ZC2HC1A: variants seen among roughly 807,000 people sequenced by gnomAD.
ZC2HC1A encodes zinc finger C2HC domain-containing protein 1A.
A neutral mutation model predicts 40.7 loss-of-function variants in ZC2HC1A; 28 were observed. That is an observed-to-expected ratio of 0.69 (90% CI 0.51 to 0.94). The LOEUF (loss-of-function observed/expected upper bound fraction) is 0.94, where lower values mean the gene tolerates loss of function less well. ZC2HC1A is among the 40% of genes least tolerant of loss of function. The pLI is 0.00. For missense variants in ZC2HC1A, 389 were observed against 386.3 expected (o/e 1.01, Z -0.06); for synonymous variants, 129 against 129.2 (o/e 1.00, Z 0.01).
At chr8:78,692,390 C>T (rs1019069460) in intron 5 of ZC2HC1A, among the ~76,000 whole-genome samples, 2 of 152,156 alleles carry the variant, frequency 1.3e-5, no homozygotes, top group Non-Finnish European at 2.9e-5. Flanking sequence ...ACTAAATCTG[C>T]CACCTGTGGT....
At chr8:78,703,981 G>A (rs1444747664) in intron 7 of ZC2HC1A, among the ~76,000 whole-genome samples, 2 of 152,144 alleles carry the variant, frequency 1.3e-5, no homozygotes, top group African/African-American at 2.4e-5. Context: ...AGGTCTGGTG[G>A]TAACAAATTC....
At chr8:78,666,322 C>A (rs1054195559) in intron 1 of ZC2HC1A, among the ~76,000 whole-genome samples, 158 bp downstream of exon 1, 36 of 152,240 alleles carry the variant, frequency 2.4e-4, no homozygotes, top group African/African-American at 8.0e-4. Flanking sequence ...GGGAACCGGA[C>A]AGTCCCCGAT....
chr8:78,698,522 A>G lies in ZC2HC1A; in HGVS notation c.704+9A>G, dbSNP rs1223540063. ...GCAGCCCCTCATGCAGGGTAAGTCTACACTGGATATAATTATTAGTGGTAT... is the reference window on the plus strand; with the variant it reads ...GCAGCCCCTCATGCAGGGTAAGTCTGCACTGGATATAATTATTAGTGGTAT... On this transcript the variant is annotated intron_variant, in intron 7 of 8. Transcript: ENST00000263849. The G allele has an allele frequency of 6.4e-7, 1 of 1,563,224 alleles. No individual in the cohort carries two copies. Among genetic ancestry groups the G allele is most frequent in the Non-Finnish European group, 8.7e-7 (1 of 1,145,592 alleles).
intron 7 of ZC2HC1A, among the ~76,000 whole-genome samples, chr8:78,709,085 C>T (rs188398746): frequency 1.1e-3 from 172 of 152,290 alleles, no homozygotes; most frequent in African/African-American, 3.1e-3. Flanking sequence ...ACCTTATTAC[C>T]AGTTTAAATG....
At position 78,718,676 on chromosome 8, in the gene ZC2HC1A, C is replaced by T. The variant is rs1011187735; in HGVS notation, c.*1183C>T. ...TGACTTACCTAATTAAACATACACA[C>T]AAATTTAATTATTTTTTTCTCTTTA... On this transcript the variant is annotated 3_prime_UTR_variant, in exon 9 of 9. Transcript: ENST00000263849. The T allele has an allele frequency of 2.0e-5, 3 of 151,746 alleles. No individual in the cohort carries two copies. The highest frequency in any genetic ancestry group is 7.2e-5 in the African/African-American group (3 of 41,388). 9.4% of individuals were successfully genotyped at this position (151,746 alleles called of 1,614,324 possible).
At position 78,719,721 on chromosome 8, in the gene ZC2HC1A, G is replaced by T. The variant is rs1489458923; in HGVS notation, c.*2228G>T. On this transcript the variant is annotated 3_prime_UTR_variant, in exon 9 of 9. Transcript: ENST00000263849. ...TGTTTTTTGTTTTTTCACCAATAAT[G>T]TCTTCATATTTGAACCTATTCAATA... 1 of 151,542 alleles carries T rather than the reference G, an allele frequency of 6.6e-6. No individual in the cohort carries two copies. Among genetic ancestry groups the T allele is most frequent in the Admixed American group, 6.6e-5 (1 of 15,202 alleles). 9.4% of individuals were successfully genotyped at this position (151,542 alleles called of 1,614,324 possible). A position where few individuals can be genotyped will look rare whatever the true frequency, so the allele number is the denominator to read the frequency against.
At chr8:78,709,317 A>C (rs1026394806) in intron 7 of ZC2HC1A, among the ~76,000 whole-genome samples, 1 of 152,192 alleles carries the variant, frequency 6.6e-6, no homozygotes, top group Admixed American at 6.5e-5. Context: ...TTAGTTTTTG[A>C]GTACATTTTT....
intron 4 of ZC2HC1A, among the ~76,000 whole-genome samples, chr8:78,686,942 A>G (rs1809999001): frequency 6.6e-6 from 1 of 152,170 alleles, no homozygotes; most frequent in Non-Finnish European, 1.5e-5. Context: ...GTAGTCATTC[A>G]GCAGGAGTCA....
rs1170858493 is a variant in ZC2HC1A at position 78,719,294 on chromosome 8, G to A, written c.*1801G>A. On this transcript the variant is annotated 3_prime_UTR_variant, in exon 9 of 9. Coordinates refer to ENST00000263849, the MANE Select transcript of ZC2HC1A (RefSeq NM_016010.3). ...CAAGGAAAGGATAGATAAATAATTG[G>A]CACACATTTGTTTCTCACTGAATTT... 1 of 151,468 alleles carries A rather than the reference G, an allele frequency of 6.6e-6. No homozygotes were observed. Among genetic ancestry groups the A allele is most frequent in the Non-Finnish European group, 1.5e-5 (1 of 67,614 alleles). 9.4% of individuals were successfully genotyped at this position (151,468 alleles called of 1,614,324 possible). A position where few individuals can be genotyped will look rare whatever the true frequency, so the allele number is the denominator to read the frequency against.
At chr8:78,691,470 A>G (rs141396869) in intron 5 of ZC2HC1A, among the ~76,000 whole-genome samples, 1,826 of 152,010 alleles carry the variant, frequency 0.012, 13 homozygotes, top group Middle Eastern at 0.027. Context: ...TTCCTTATAT[A>G]TGTGTTTTTG....
intron 8 of ZC2HC1A, among the ~76,000 whole-genome samples, chr8:78,715,695 T>A (rs542257715): frequency 6.6e-6 from 1 of 152,114 alleles, no homozygotes; most frequent in South Asian, 2.1e-4. Flanking sequence ...AGAACTAGAA[T>A]CAGAAGGGAA....
intron 3 of ZC2HC1A, 36 bp from the exon 4 acceptor site, chr8:78,686,431 G>GCTTA (rs369793261): frequency 1.0e-5 from 12 of 1,173,524 alleles, no homozygotes; most frequent in Non-Finnish European, 1.3e-5. Context: ...GATACTGTTT[G>GCTTA]TTTATTTATT....
intron 1 of ZC2HC1A, among the ~76,000 whole-genome samples, chr8:78,668,728 A>G (rs1809368402): frequency 6.6e-6 from 1 of 152,146 alleles, no homozygotes; most frequent in African/African-American, 2.4e-5. Context: ...TTATAGCAAA[A>G]CCTTTTAATT....
intron 5 of ZC2HC1A, among the ~76,000 whole-genome samples, chr8:78,693,885 A>G (rs1261966544): frequency 1.3e-5 from 2 of 152,174 alleles, no homozygotes; most frequent in Non-Finnish European, 2.9e-5. Context: ...TTAAGTCTTT[A>G]ATCCATCTTG....
At chr8:78,683,531 C>T (rs1399732327) in intron 3 of ZC2HC1A, among the ~76,000 whole-genome samples, 3 of 152,176 alleles carry the variant, frequency 2.0e-5, no homozygotes, top group African/African-American at 7.2e-5. Context: ...CACCAAATCC[C>T]TACGCTGCAC....
chr8:78,692,339 G>A (rs1315659869), intron 5 of ZC2HC1A, among the ~76,000 whole-genome samples: 1 of 152,118 alleles, frequency 6.6e-6, no homozygotes, highest in Non-Finnish European at 1.5e-5. Flanking sequence ...AATCCCTATA[G>A]TTCAGTCTTA....
At chr8:78,712,182 A>T in intron 7 of ZC2HC1A, 1 of 800,032 alleles carries the variant, frequency 1.2e-6, no homozygotes, top group Non-Finnish European at 1.8e-6. Context: ...GAATAACATA[A>T]CTTTTACTGT....
chr8:78,698,067 C>T (rs1185547539), intron 6 of ZC2HC1A, among the ~76,000 whole-genome samples: 2 of 152,126 alleles, frequency 1.3e-5, no homozygotes, highest in African/African-American at 4.8e-5. Context: ...CCCAGTACTT[C>T]CTTGATTCTT....
chr8:78,689,203 C>T lies in ZC2HC1A; in HGVS notation c.353-19C>T, dbSNP rs763531852. The T allele has an allele frequency of 4.8e-6, 7 of 1,447,654 alleles. No homozygotes were observed. The highest frequency in any genetic ancestry group is 1.6e-5 in the South Asian group (1 of 61,976). 89.7% of individuals were successfully genotyped at this position (1,447,654 alleles called of 1,614,324 possible). On this transcript the variant is annotated intron_variant, in intron 4 of 8. Coordinates refer to ENST00000263849, the MANE Select transcript of ZC2HC1A (RefSeq NM_016010.3). ...CAAGTACTATGCTATTAATCTGTTT[C>T]CGTTTTTATCTGTTATAGATTATAT...
Sources: gnomAD v4.1 joint callset for allele counts (sites outside exome capture counted in the v4.1 genomes callset) on GRCh38, gnomAD v4.1.1 for gene constraint, MANE v1.5 for transcripts, NCBI Gene and HGNC (gene_info 2026-07-23, HGNC 2026-07-21) for gene names.